The following INTS12 variants were observed in gnomAD, a reference collection of about 807,000 sequenced individuals.
The protein encoded by INTS12 is integrator complex subunit 12.
INTS12 carries 13 observed loss-of-function variants against 41.6 expected under a neutral mutation model. The observed-to-expected ratio is 0.31, with a 90% CI of 0.20 to 0.50. INTS12 has a LOEUF of 0.50. Ranked by LOEUF, INTS12 falls within the 20% of genes least tolerant of loss-of-function variation. The pLI is 0.98. For missense variants in INTS12, 432 were observed against 541.6 expected, an observed-to-expected ratio of 0.80 and a Z score of 2.01; for synonymous variants, 199 against 191.4, an observed-to-expected ratio of 1.04 and a Z score of -0.33.
chr4:105,708,118 C>G, intron 1 of INTS12: 1 of 985,406 alleles, frequency 1.0e-6, no homozygotes, highest in Non-Finnish European at 1.2e-6. Flanking sequence ...TTTCATTCCT[C>G]CACTGAGTTC....
intron 1 of INTS12, 196 bp downstream of exon 1, chr4:105,708,442 A>C: frequency 6.1e-6 from 6 of 985,284 alleles, no homozygotes; most frequent in Non-Finnish European, 7.2e-6. Context: ...CCGGCCCGCA[A>C]CTCCCTCGGA....
intron 1 of INTS12, 159 bp downstream of exon 1, chr4:105,708,479 A>T: frequency 1.0e-6 from 1 of 985,166 alleles, no homozygotes; most frequent in Non-Finnish European, 1.2e-6. Flanking sequence ...CTGAAAGGGG[A>T]GAGCAGTCAG....
chr4:105,686,520 T>C (rs1271778430), intron 7 of INTS12, among the ~76,000 whole-genome samples, 172 bp downstream of exon 7: 1 of 152,216 alleles, frequency 6.6e-6, no homozygotes, highest in Non-Finnish European at 1.5e-5. Context: ...TAGAGATTAA[T>C]TAATGATATA....
At chr4:105,683,883 T>C (rs1731412193) in intron 7 of INTS12, among the ~76,000 whole-genome samples, 1 of 152,176 alleles carries the variant, frequency 6.6e-6, no homozygotes, top group Non-Finnish European at 1.5e-5. Context: ...TCCTAAATTT[T>C]GAGCAACAGT....
chr4:105,683,485 T>C (rs1731397814), intron 7 of INTS12, among the ~76,000 whole-genome samples, 168 bp from the exon 8 acceptor site: 1 of 152,196 alleles, frequency 6.6e-6, no homozygotes. Flanking sequence ...TAGTGGGTAT[T>C]ATCATTTGCA....
rs890094546 is a variant in INTS12 at position 105,702,824 on chromosome 4, A to G, written c.-10+824T>C. 1.6e-5 allele frequency: 15 copies of G among 916,296 alleles called. No homozygotes were observed. The South Asian group carries it at 5.0e-4, about 31-fold the overall frequency. The allele number at this position is 916,296 out of a possible 1,614,324, so 56.8% of individuals were successfully genotyped here. The stretch of plus-strand genomic sequence containing the variant: ...TCACCAAACAGAAAACAGTAGTTGA[A>G]CCTAAAATAAAACACTTATGGTTAT... On this transcript the variant is annotated intron_variant, in intron 2 of 7. Transcript: ENST00000340139.
rs577853919 is a variant in INTS12, at chr4:105,700,553, A to C, written c.-9-539T>G. Among the ~76,000 whole-genome samples, 104 of 147,308 alleles carry C rather than the reference A, an allele frequency of 7.1e-4. 1 individual carries two copies. Among genetic ancestry groups the C allele is most frequent in the South Asian group, 3.4e-3 (16 of 4,668 alleles). On this transcript the variant is annotated intron_variant, in intron 2 of 7. Coordinates refer to ENST00000340139, the MANE Select transcript of INTS12 (RefSeq NM_020395.4). ...CTCAACTCTTTTTTTTTTTTTTTCT[A>C]AACTCACCTCTTCAGTTCTCTGCCC...
intron 3 of INTS12, among the ~76,000 whole-genome samples, chr4:105,699,399 C>T (rs939318912): frequency 2.0e-5 from 3 of 152,258 alleles, no homozygotes; most frequent in Non-Finnish European, 2.9e-5. Flanking sequence ...ACAGGAGCTA[C>T]ACAGTTCTCA....
chr4:105,700,706 AACAC>A lies in INTS12; in HGVS notation c.-9-696_-9-693del, dbSNP rs767514862. Among the ~76,000 whole-genome samples the A allele has an allele frequency of 6.4e-3, 858 of 134,764 alleles. 4 individuals are homozygous for A. Among genetic ancestry groups the A allele is most frequent in the East Asian group, 0.014 (68 of 4,780 alleles). 88.4% of individuals were successfully genotyped at this position (134,764 alleles called of 152,430 possible). On this transcript the variant is annotated intron_variant, in intron 2 of 7. Coordinates refer to ENST00000340139, the MANE Select transcript of INTS12 (RefSeq NM_020395.4). ...GAGGGATAATATCATATCTACTTAA[AACAC>A]ACACACACACACACACACACACACA...
chr4:105,694,104 A>G (rs1731778313), intron 4 of INTS12, among the ~76,000 whole-genome samples: 1 of 152,176 alleles, frequency 6.6e-6, no homozygotes, highest in Non-Finnish European at 1.5e-5. Context: ...CTCCATTGTA[A>G]TAGAAACAAA....
At chr4:105,703,905 T>G (rs1732171431) in intron 1 of INTS12, 96 bp from the exon 2 acceptor site, 1 of 152,114 alleles carries the variant, frequency 6.6e-6, no homozygotes, top group South Asian at 2.1e-4. Context: ...CTCTTTCCCA[T>G]CTGATAAAAA....
chr4:105,708,534 G>T, intron 1 of INTS12, 104 bp downstream of exon 1: 1 of 985,444 alleles, frequency 1.0e-6, no homozygotes, highest in Non-Finnish European at 1.2e-6. Context: ...CCCTTGAGGA[G>T]CGAGGAAACT....
chr4:105,685,135 A>G (rs1394532154), intron 7 of INTS12, among the ~76,000 whole-genome samples: 1 of 152,140 alleles, frequency 6.6e-6, no homozygotes, highest in Admixed American at 6.5e-5. Flanking sequence ...CAAGTTAGAA[A>G]AGACATTTGC....
intron 6 of INTS12, among the ~76,000 whole-genome samples, chr4:105,688,569 C>T (rs1731572279): frequency 6.6e-6 from 1 of 152,298 alleles, no homozygotes; most frequent in Non-Finnish European, 1.5e-5. Context: ...ATTACTGGTA[C>T]TAGCAGGAAA....
chr4:105,685,182 T>C (rs1731459446), intron 7 of INTS12, among the ~76,000 whole-genome samples: 2 of 152,252 alleles, frequency 1.3e-5, no homozygotes, highest in South Asian at 2.1e-4. Context: ...TTTTATAGTA[T>C]AAATTTATTC....
chr4:105,692,979 C>A (rs1040618844), intron 5 of INTS12, among the ~76,000 whole-genome samples: 1 of 152,178 alleles, frequency 6.6e-6, no homozygotes, highest in Non-Finnish European at 1.5e-5. Flanking sequence ...GCACAAAAAG[C>A]AATCACCATA....
At chr4:105,683,598 A>C (rs1000509394) in intron 7 of INTS12, among the ~76,000 whole-genome samples, 2 of 152,216 alleles carry the variant, frequency 1.3e-5, no homozygotes, top group African/African-American at 4.8e-5. Flanking sequence ...TCTAAGCTAT[A>C]TCTGAAAACC....
At chr4:105,683,868 T>A (rs547342815) in intron 7 of INTS12, among the ~76,000 whole-genome samples, 2 of 152,030 alleles carry the variant, frequency 1.3e-5, no homozygotes, top group Non-Finnish European at 2.9e-5. Context: ...TAAAAAAAAA[T>A]GTCCTCCTAA....
At chr4:105,702,957 T>C (rs1007949187) in intron 2 of INTS12, 5 of 984,876 alleles carry the variant, frequency 5.1e-6, no homozygotes, top group South Asian at 4.7e-5. Context: ...AATATCCATA[T>C]AGTGAAAGAA....
Sources: allele counts gnomAD v4.1 joint callset (sites outside exome capture counted in the v4.1 genomes callset), GRCh38; gene constraint gnomAD v4.1.1; transcripts MANE v1.5; gene names NCBI Gene and HGNC (gene_info 2026-07-23, HGNC 2026-07-21).